Variants in DSCAM observed in about 807,000 individuals in gnomAD.
DSCAM encodes DS cell adhesion molecule.
In DSCAM, 47 loss-of-function variants were observed where a neutral mutation model predicts 217.7. That is an observed-to-expected ratio of 0.22 (90% CI 0.17 to 0.28). The LOEUF (loss-of-function observed/expected upper bound fraction) is 0.28. Ranked by LOEUF, DSCAM falls within the 10% of genes least tolerant of loss-of-function variation. The pLI is 1.00. For synonymous variants in DSCAM, 1,056 were observed against 1,015.3 expected (o/e 1.04, Z -0.76); for missense variants, 2,080 against 2,618.3 (o/e 0.79, Z 4.49).
chr21:40,650,257 T>C (rs76855022), intron 3 of DSCAM, among the ~76,000 whole-genome samples: 2,193 of 152,334 alleles, frequency 0.014, 44 homozygotes, highest in African/African-American at 0.047. Context: ...TTGCATGATG[T>C]AGAGGCAACA....
intron 3 of DSCAM, among the ~76,000 whole-genome samples, chr21:40,565,992 A>T (rs1421390320): frequency 1.3e-5 from 2 of 152,234 alleles, no homozygotes; most frequent in Non-Finnish European, 2.9e-5. Context: ...GCACATAAAG[A>T]TAACTAAAAC....
intron 3 of DSCAM, among the ~76,000 whole-genome samples, chr21:40,453,207 A>G (rs1264374535): frequency 3.3e-5 from 5 of 152,012 alleles, no homozygotes; most frequent in African/African-American, 1.2e-4. Context: ...CTGCTTTCTG[A>G]CTTTATAGGA....
At chr21:40,706,088 G>A (rs548073528) in intron 2 of DSCAM, among the ~76,000 whole-genome samples, 1 of 151,088 alleles carries the variant, frequency 6.6e-6, no homozygotes, top group African/African-American at 2.4e-5. Context: ...GGCTGGGCAG[G>A]AAAACGGCGT....
chr21:40,349,765 T>C (rs538284730), intron 5 of DSCAM, among the ~76,000 whole-genome samples: 1 of 152,304 alleles, frequency 6.6e-6, no homozygotes, highest in African/African-American at 2.4e-5. Flanking sequence ...TTACAGATTT[T>C]TAAAGGTCAG....
At chr21:40,257,818 G>A (rs183573824) in intron 11 of DSCAM, among the ~76,000 whole-genome samples, 3 of 152,210 alleles carry the variant, frequency 2.0e-5, no homozygotes, top group East Asian at 1.9e-4. Flanking sequence ...TAGCACAGAG[G>A]TGGCTCCATG....
chr21:40,131,904 C>G (rs2090157922), intron 19 of DSCAM, among the ~76,000 whole-genome samples: 1 of 152,052 alleles, frequency 6.6e-6, no homozygotes, highest in Non-Finnish European at 1.5e-5. Flanking sequence ...GCCTTGGGGT[C>G]AAGTTTTGAG....
intron 3 of DSCAM, among the ~76,000 whole-genome samples, chr21:40,506,885 T>C (rs1038622162): frequency 6.6e-6 from 1 of 152,092 alleles, no homozygotes; most frequent in Non-Finnish European, 1.5e-5. Flanking sequence ...AGGAAAAAAA[T>C]ATTTTGCCCT....
intron 16 of DSCAM, among the ~76,000 whole-genome samples, chr21:40,151,028 G>A (rs1241549615): frequency 6.6e-6 from 1 of 151,994 alleles, no homozygotes; most frequent in Non-Finnish European, 1.5e-5. Flanking sequence ...AATTTCCTAG[G>A]AAACCACTTT....
intron 3 of DSCAM, among the ~76,000 whole-genome samples, chr21:40,648,281 A>T (rs1397399623): frequency 1.4e-5 from 2 of 143,464 alleles, no homozygotes; most frequent in African/African-American, 5.2e-5. Flanking sequence ...ACACACACAC[A>T]CTCACACACT....
intron 3 of DSCAM, among the ~76,000 whole-genome samples, chr21:40,498,957 C>T (rs1401297881): frequency 6.6e-6 from 1 of 151,142 alleles, no homozygotes; most frequent in Non-Finnish European, 1.5e-5. Flanking sequence ...AATTTAAACA[C>T]AAGAGAATTT....
chr21:40,717,014 A>T (rs1266204375), intron 1 of DSCAM, among the ~76,000 whole-genome samples: 1 of 152,248 alleles, frequency 6.6e-6, no homozygotes, highest in Non-Finnish European at 1.5e-5. Flanking sequence ...AGTACATTCT[A>T]GGCAGAAGTC....
At chr21:40,487,296 T>C (rs7410095) in intron 3 of DSCAM, among the ~76,000 whole-genome samples, 1 of 113,960 alleles carries the variant, frequency 8.8e-6, no homozygotes, top group African/African-American at 4.1e-5. Flanking sequence ...TGTGTGCGTG[T>C]GTGCGTGCGT....
At chr21:40,352,498 C>T (rs2074642259) in intron 5 of DSCAM, among the ~76,000 whole-genome samples, 1 of 151,882 alleles carries the variant, frequency 6.6e-6, no homozygotes, top group Admixed American at 6.6e-5. Flanking sequence ...AATATATTCT[C>T]TTAGGCTGGT....
intron 3 of DSCAM, among the ~76,000 whole-genome samples, chr21:40,370,012 A>C (rs752970725): frequency 2.5e-4 from 38 of 152,176 alleles, no homozygotes; most frequent in Non-Finnish European, 4.3e-4. Flanking sequence ...TGTAACCTCT[A>C]ATTTTTACCG....
intron 8 of DSCAM, among the ~76,000 whole-genome samples, chr21:40,314,195 C>T (rs929605444): frequency 3.9e-5 from 6 of 152,178 alleles, no homozygotes; most frequent in Admixed American, 2.6e-4. Flanking sequence ...TCTCTTATTT[C>T]GTATTATCAC....
rs769686764 is a variant in DSCAM at position 40,013,269 on chromosome 21, C to T, written c.5804G>A (p.Arg1935Gln). The change falls in exon 33 of 33, where the codon CGG (arginine) becomes CAG (glutamine). Residue 1935 changes from arginine to glutamine, a missense_variant. Coordinates refer to ENST00000400454, the MANE Select transcript of DSCAM (RefSeq NM_001389.5). ...GQACLEPQKSRTLKRPTVLEP... is the reference protein window; with the variant it reads ...GQACLEPQKSQTLKRPTVLEP... ...CAGGACCGTGGGGCGCTTCAGGGTC[C>T]GGCTTTTCTGAGGTTCCAAGCATGC... 1.2e-5 allele frequency: 19 copies of T among 1,613,618 alleles called. No individual in the cohort carries two copies. The East Asian group carries it at 3.1e-4, about 27-fold the overall frequency.
chr21:40,085,427 C>T (rs951167251), intron 23 of DSCAM, among the ~76,000 whole-genome samples, 175 bp downstream of exon 23: 2 of 152,084 alleles, frequency 1.3e-5, no homozygotes, highest in African/African-American at 4.8e-5. Context: ...TTTGTATTTT[C>T]TTTGATTTGT....
intron 3 of DSCAM, among the ~76,000 whole-genome samples, chr21:40,636,612 G>A (rs2089762652): frequency 6.6e-6 from 1 of 151,826 alleles, no homozygotes; most frequent in Non-Finnish European, 1.5e-5. Context: ...ATATGCCTTG[G>A]CATCACTCAG....
At chr21:40,214,629 T>C (rs1011401226) in intron 11 of DSCAM, among the ~76,000 whole-genome samples, 8 of 148,984 alleles carry the variant, frequency 5.4e-5, no homozygotes, top group Admixed American at 1.4e-4. Flanking sequence ...AGGATTCTTA[T>C]AGACTACAGG....
Sources: allele counts gnomAD v4.1 joint callset (sites outside exome capture counted in the v4.1 genomes callset), GRCh38; gene constraint gnomAD v4.1.1; transcripts MANE v1.5; gene names NCBI Gene and HGNC (gene_info 2026-07-23, HGNC 2026-07-21).